Variants in ARMC2 observed in about 807,000 individuals in gnomAD.
ARMC2 encodes the protein armadillo repeat-containing protein 2.
In ARMC2, 67 loss-of-function variants were observed where a neutral mutation model predicts 90.3. The observed-to-expected ratio is 0.74, with a 90% CI of 0.61 to 0.91. The LOEUF (loss-of-function observed/expected upper bound fraction) is 0.91, where lower values mean the gene tolerates loss of function less well. Ranked by LOEUF, ARMC2 falls within the 40% of genes least tolerant of loss-of-function variation. The pLI is 0.00. For missense variants in ARMC2, 920 were observed against 1,030.9 expected (o/e 0.89, Z 1.47); for synonymous variants, 393 against 393.0 (o/e 1.00, Z 0.00).
At chr6:109,005,096 A>T in the ARMC2 span, among the ~76,000 whole-genome samples, 11 of 152,240 alleles carry the variant, frequency 7.2e-5, no homozygotes, top group Non-Finnish European at 4.4e-5. Flanking sequence ...ATGTGCTCAC[A>T]TTTGTGAAAT....
chr6:108,922,707 T>C (rs898133530), intron 10 of ARMC2, among the ~76,000 whole-genome samples: 10 of 152,212 alleles, frequency 6.6e-5, no homozygotes, highest in Non-Finnish European at 1.3e-4. Flanking sequence ...TAATTCAATG[T>C]GAGCTGGGTA....
chr6:108,854,318 A>C lies in ARMC2; in HGVS notation c.51A>C (p.Gln17His). 3 of 1,612,642 alleles carry C rather than the reference A, an allele frequency of 1.9e-6. No homozygotes were observed. In the African/African-American group the frequency reaches 4.0e-5, roughly 22 times the overall value. The part of the protein sequence containing the change: ...KMLGKLDPFY[Q>H]PSVSKQKTSA... ...TAGGAAAACTGGATCCATTTTATCA[A>C]CCTTCAGTGTCCAAGCAGAAGACCA... Residue 17 changes from glutamine to histidine, a missense_variant, in exon 2 of 18, where the codon CAA becomes CAC. Gln to His is a conservative substitution (Grantham distance 24). Transcript: ENST00000392644.
intron 17 of ARMC2, among the ~76,000 whole-genome samples, chr6:108,969,742 T>TAAA (rs1778628687): frequency 6.6e-6 from 1 of 152,184 alleles, no homozygotes; most frequent in African/African-American, 2.4e-5. Flanking sequence ...ATTCAAATCT[T>TAAA]AAAAAGAATT....
At chr6:108,900,720 G>A (rs889309420) in intron 7 of ARMC2, among the ~76,000 whole-genome samples, 3 of 152,156 alleles carry the variant, frequency 2.0e-5, no homozygotes, top group Admixed American at 6.5e-5. Context: ...AGCCCTGGAC[G>A]GGGTTCTGGT....
intron 4 of ARMC2, among the ~76,000 whole-genome samples, chr6:108,871,786 GT>G (rs1776442226): frequency 6.6e-6 from 1 of 152,152 alleles, no homozygotes; most frequent in Admixed American, 6.5e-5. Flanking sequence ...CTCTGCAGCT[GT>G]GATTTCCCAG....
chr6:109,005,359 C>T, the ARMC2 span, among the ~76,000 whole-genome samples: 1 of 151,934 alleles, frequency 6.6e-6, no homozygotes, highest in Non-Finnish European at 1.5e-5. Context: ...TATCAGTAGG[C>T]AGGAAAAAAA....
chr6:108,971,950 T>A (rs1326842029), intron 17 of ARMC2, among the ~76,000 whole-genome samples: 1 of 151,818 alleles, frequency 6.6e-6, no homozygotes, highest in Non-Finnish European at 1.5e-5. Context: ...TGTTGGCAAT[T>A]TAAGTAACAA....
chr6:108,978,304 C>T (rs10456864), downstream of ARMC2, among the ~76,000 whole-genome samples: 15,271 of 152,088 alleles, frequency 0.1, 907 homozygotes, highest in South Asian at 0.19. Flanking sequence ...TGTAGTTGAG[C>T]GGTTTTGAGT....
intron 13 of ARMC2, among the ~76,000 whole-genome samples, chr6:108,958,666 C>T (rs905939260): frequency 3.9e-5 from 6 of 152,222 alleles, no homozygotes; most frequent in Admixed American, 2.6e-4. Flanking sequence ...GGGCTGTAGG[C>T]CCTTTGCCCA....
At chr6:108,962,272 A>T (rs1002459934) in intron 15 of ARMC2, 145 bp downstream of exon 15, 2 of 706,188 alleles carry the variant, frequency 2.8e-6, no homozygotes, top group Non-Finnish European at 4.7e-6. Flanking sequence ...CTGGCTCAGG[A>T]TGCCAAGATG....
intron 10 of ARMC2, among the ~76,000 whole-genome samples, chr6:108,916,412 T>C (rs1773977704): frequency 6.6e-6 from 1 of 152,220 alleles, no homozygotes; most frequent in African/African-American, 2.4e-5. Flanking sequence ...TAATAGCATT[T>C]TGAGAAGGAC....
intron 3 of ARMC2, among the ~76,000 whole-genome samples, chr6:108,858,798 C>T: frequency 6.6e-6 from 1 of 152,166 alleles, no homozygotes; most frequent in East Asian, 1.9e-4. Context: ...TCACTTTAAG[C>T]TCTTTCGACA....
chr6:108,965,978 T>G (rs1030025467), intron 17 of ARMC2, among the ~76,000 whole-genome samples: 3 of 151,020 alleles, frequency 2.0e-5, no homozygotes, highest in African/African-American at 7.3e-5. Flanking sequence ...ATTTAAAAAA[T>G]TTTTATAATT....
intron 10 of ARMC2, among the ~76,000 whole-genome samples, chr6:108,923,445 G>A (rs1419214817): frequency 6.6e-6 from 1 of 151,844 alleles, no homozygotes. Context: ...AGAACTCATT[G>A]ATAATTTTCA....
the ARMC2 span, among the ~76,000 whole-genome samples, chr6:109,000,980 A>C: frequency 3.3e-3 from 505 of 152,284 alleles, no homozygotes; most frequent in African/African-American, 9.8e-3. Context: ...AAAATAATGG[A>C]ATATTATTTA....
chr6:108,864,958 C>T (rs1775663651), intron 3 of ARMC2, among the ~76,000 whole-genome samples: 1 of 150,980 alleles, frequency 6.6e-6, no homozygotes, highest in African/African-American at 2.4e-5. Flanking sequence ...GGGTTAGTGT[C>T]AGGAAACAAA....
downstream of ARMC2, among the ~76,000 whole-genome samples, chr6:108,976,435 G>A (rs1468219711): frequency 1.3e-5 from 2 of 152,112 alleles, no homozygotes; most frequent in Admixed American, 1.3e-4. Context: ...AAGTCAGGTA[G>A]CATGATGCCT....
At chr6:108,880,076 C>T in intron 5 of ARMC2, 1 of 385,136 alleles carries the variant, frequency 2.6e-6, no homozygotes, top group South Asian at 1.9e-5. Flanking sequence ...CCAATGAAAG[C>T]AGCAAAGAAT....
intron 5 of ARMC2, among the ~76,000 whole-genome samples, chr6:108,891,069 A>G (rs965339320): frequency 1.1e-4 from 17 of 152,136 alleles, no homozygotes; most frequent in Non-Finnish European, 2.5e-4. Context: ...TGTCACTGCA[A>G]AGTACACGAA....
Sources: gnomAD v4.1 joint callset for allele counts (sites outside exome capture counted in the v4.1 genomes callset) on GRCh38, gnomAD v4.1.1 for gene constraint, MANE v1.5 for transcripts, NCBI Gene and HGNC (gene_info 2026-07-23, HGNC 2026-07-21) for gene names.